Variants in SEZ6L observed in about 807,000 individuals in gnomAD.
SEZ6L encodes the protein seizure 6-like protein.
In SEZ6L, 37 loss-of-function variants were observed where a neutral mutation model predicts 106.2. The observed-to-expected ratio is 0.35, with a 90% CI of 0.27 to 0.46. The LOEUF (loss-of-function observed/expected upper bound fraction) is 0.46, where lower values mean the gene tolerates loss of function less well. Among genes scored for constraint, SEZ6L ranks in the 20% least tolerant of loss-of-function variants. The pLI, the probability that SEZ6L is intolerant of heterozygous loss-of-function variation, is 1.00. For missense variants in SEZ6L, 1,172 were observed against 1,332.8 expected (o/e 0.88, Z 1.88); for synonymous variants, 541 against 570.4 (o/e 0.95, Z 0.73).
intron 1 of SEZ6L, among the ~76,000 whole-genome samples, chr22:26,229,274 G>A (rs1230543367): frequency 6.6e-6 from 1 of 152,170 alleles, no homozygotes; most frequent in East Asian, 1.9e-4. Context: ...TGGGATTACA[G>A]GTGTGAGCCA....
At chr22:26,326,372 C>T (rs1027250960) in intron 9 of SEZ6L, among the ~76,000 whole-genome samples, 4 of 152,168 alleles carry the variant, frequency 2.6e-5, no homozygotes, top group African/African-American at 9.7e-5. Context: ...GTTTATTGAG[C>T]GCATACCATG....
At chr22:26,201,010 A>C (rs1335138670) in intron 1 of SEZ6L, among the ~76,000 whole-genome samples, 1 of 152,116 alleles carries the variant, frequency 6.6e-6, no homozygotes, top group Non-Finnish European at 1.5e-5. Flanking sequence ...TTCCCCCAAC[A>C]GGGCTGGTTC....
chr22:26,222,245 A>C (rs911389600), intron 1 of SEZ6L, among the ~76,000 whole-genome samples: 1 of 152,162 alleles, frequency 6.6e-6, no homozygotes, highest in African/African-American at 2.4e-5. Context: ...GCCTCACAGG[A>C]ACTTAGAGTG....
At chr22:26,282,078 A>G (rs1347786828) in intron 1 of SEZ6L, among the ~76,000 whole-genome samples, 2 of 152,344 alleles carry the variant, frequency 1.3e-5, no homozygotes, top group East Asian at 1.9e-4. Flanking sequence ...AGCATTTTGC[A>G]CATGGGCAAA....
intron 13 of SEZ6L, among the ~76,000 whole-genome samples, chr22:26,372,075 C>T (rs1344653662): frequency 1.3e-5 from 2 of 152,194 alleles, no homozygotes; most frequent in African/African-American, 2.4e-5. Flanking sequence ...GCCCCCCTCC[C>T]TCTCTGACCT....
Position 26,313,802 on chromosome 22 carries a change from G to A in SEZ6L, c.1915G>A (p.Val639Ile), listed in dbSNP as rs2081918769. 4 of 1,612,882 alleles carry A rather than the reference G, an allele frequency of 2.5e-6. No homozygotes were observed. Among genetic ancestry groups the A allele is most frequent in the Non-Finnish European group, 3.4e-6 (4 of 1,178,972 alleles). The change falls in exon 9 of 17, where the codon GTA becomes ATA. Residue 639 changes from valine (V) to isoleucine (I), a missense_variant. Val to Ile is a conservative substitution (Grantham distance 29). Coordinates refer to ENST00000248933, the MANE Select transcript of SEZ6L (RefSeq NM_021115.5). ...GGAGCTCTCTGCTGTGGCTGGGGTGGTATTGTCCCCAAACTGGCCCGAGCC... is the reference window on the plus strand; with the variant it reads ...GGAGCTCTCTGCTGTGGCTGGGGTGATATTGTCCCCAAACTGGCCCGAGCC... ...GGELSAVAGV[V>I]LSPNWPEPYV...
intron 9 of SEZ6L, among the ~76,000 whole-genome samples, chr22:26,333,265 G>A (rs1259019728): frequency 2.6e-5 from 4 of 152,208 alleles, no homozygotes; most frequent in Admixed American, 2.6e-4. Flanking sequence ...GCTTTGGAGT[G>A]GCCTCTCAGG....
intron 1 of SEZ6L, among the ~76,000 whole-genome samples, chr22:26,186,142 C>T (rs1939766404): frequency 6.6e-6 from 1 of 152,054 alleles, no homozygotes; most frequent in South Asian, 2.1e-4. Context: ...CTTTCCGCTC[C>T]TACACTTGCA....
At chr22:26,249,962 A>T (rs1207408) in intron 1 of SEZ6L, among the ~76,000 whole-genome samples, 32,489 of 152,036 alleles carry the variant, frequency 0.21, 4,054 homozygotes, top group South Asian at 0.32. Flanking sequence ...GGCCATTTAC[A>T]TGTCTTATTT....
rs566306549 is a variant in SEZ6L at position 26,362,623 on chromosome 22, T to G, written c.2600-2749T>G. Among the ~76,000 whole-genome samples the G allele has an allele frequency of 7.2e-5, 11 of 152,352 alleles. No homozygotes were observed. The South Asian group carries it at 2.3e-3, about 32-fold the overall frequency. On this transcript the variant is annotated intron_variant, in intron 12 of 16. Coordinates refer to ENST00000248933, the MANE Select transcript of SEZ6L (RefSeq NM_021115.5). ...CTGATTCACCTCCTCACCGCATTGCTGGACGCATTGCTGGGCATGAAGTAA... is the reference window on the plus strand; with the variant it reads ...CTGATTCACCTCCTCACCGCATTGCGGGACGCATTGCTGGGCATGAAGTAA...
At chr22:26,358,427 C>T (rs548752017) in intron 12 of SEZ6L, among the ~76,000 whole-genome samples, 6 of 152,300 alleles carry the variant, frequency 3.9e-5, no homozygotes, top group African/African-American at 1.4e-4. Flanking sequence ...CATAGCAAGT[C>T]GTCAGTTAAC....
intron 1 of SEZ6L, among the ~76,000 whole-genome samples, chr22:26,291,772 G>A (rs1681996025): frequency 1.3e-5 from 2 of 152,252 alleles, no homozygotes; most frequent in Admixed American, 6.5e-5. Flanking sequence ...TCCTGCAGAC[G>A]GGGTTAGGGC....
chr22:26,211,553 T>G (rs2078157858), intron 1 of SEZ6L, among the ~76,000 whole-genome samples: 1 of 152,154 alleles, frequency 6.6e-6, no homozygotes, highest in Non-Finnish European at 1.5e-5. Context: ...AAAGATACCT[T>G]ACAAATAATT....
At position 26,306,132 on chromosome 22, in the gene SEZ6L, A is replaced by G. The variant is rs201913763; in HGVS notation, c.1502A>G (p.His501Arg). ...LHLHFERLLL[H>R]DKDRMTVHSG... is the part of the protein sequence containing the mutation. ...CTGCACTTTGAGAGGCTGTTGCTGC[A>G]TGACAAGGACAGGTAAAGCTCTGAA... is the stretch of plus-strand genomic sequence containing the variant. The change falls in exon 6 of 17, where the codon CAT (histidine) becomes CGT (arginine). Residue 501 changes from histidine to arginine, a missense_variant. This residue lies in a region of SEZ6L where 534 missense variants were observed against 691.0 expected (regional missense o/e 0.77). Coordinates refer to ENST00000248933, the MANE Select transcript of SEZ6L (RefSeq NM_021115.5). 2.3e-5 allele frequency: 37 copies of G among 1,613,576 alleles called. No individual in the cohort carries two copies. Among genetic ancestry groups the G allele is most frequent in the South Asian group, 5.5e-5 (5 of 91,086 alleles).
intron 1 of SEZ6L, among the ~76,000 whole-genome samples, chr22:26,254,853 C>T (rs1184816903): frequency 1.3e-5 from 2 of 152,032 alleles, no homozygotes; most frequent in African/African-American, 4.8e-5. Context: ...CTGCCAAGAT[C>T]GTGGATAGAG....
At chr22:26,232,481 A>T (rs191158808) in intron 1 of SEZ6L, among the ~76,000 whole-genome samples, 9 of 152,312 alleles carry the variant, frequency 5.9e-5, no homozygotes, top group Non-Finnish European at 1.2e-4. Context: ...TACAAAATAC[A>T]GCCATGTGCC....
chr22:26,322,185 C>G (rs1488937887), intron 9 of SEZ6L, among the ~76,000 whole-genome samples: 1 of 152,154 alleles, frequency 6.6e-6, no homozygotes, highest in Non-Finnish European at 1.5e-5. Flanking sequence ...TAAATGGAGA[C>G]TACTATTATC....
chr22:26,372,704 G>T (rs752784152), intron 13 of SEZ6L, among the ~76,000 whole-genome samples: 4 of 152,172 alleles, frequency 2.6e-5, no homozygotes, highest in Non-Finnish European at 5.9e-5. Context: ...TAGCTACCAT[G>T]ATGACTGATG....
chr22:26,305,950 C>CA, intron 5 of SEZ6L, 29 bp from the exon 6 acceptor site: 34 of 1,551,708 alleles, frequency 2.2e-5, no homozygotes, highest in Non-Finnish European at 2.9e-5. Context: ...TGCTCTCTCC[C>CA]ATTGCCCACC....
Sources: allele counts gnomAD v4.1 joint callset (sites outside exome capture counted in the v4.1 genomes callset), GRCh38; gene constraint gnomAD v4.1.1; regional missense constraint gnomAD v4.1.1; transcripts MANE v1.5; gene names NCBI Gene and HGNC (gene_info 2026-07-23, HGNC 2026-07-21).